SHANK2: variants seen among roughly 807,000 people sequenced by gnomAD.
SHANK2 encodes the protein SH3 and multiple ankyrin repeat domains protein 2.
Under a neutral mutation model 133.7 loss-of-function variants are expected in SHANK2, and 43 were observed. The ratio of observed to expected loss-of-function variants is 0.32; its 90% CI spans 0.25 to 0.41. SHANK2 has a LOEUF of 0.41. Among genes scored for constraint, SHANK2 ranks in the 10% least tolerant of loss-of-function variants. SHANK2 has a pLI of 1.00. For synonymous variants in SHANK2, 1,017 were observed against 952.8 expected (o/e 1.07, Z -1.24); for missense variants, 1,994 against 2,235.8 (o/e 0.89, Z 2.18).
At chr11:70,910,535 T>C (rs1950175898) in intron 10 of SHANK2, among the ~76,000 whole-genome samples, 1 of 151,878 alleles carries the variant, frequency 6.6e-6, no homozygotes, top group South Asian at 2.1e-4. Context: ...AGGCTGGGTG[T>C]GGTGGCTCAC....
In SHANK2 at chr11:70,885,921, A is replaced by G. The variant is rs577649024; in HGVS notation, c.1174+10580T>C. ...TCAACTCCGCTTTACAATTTGGAAC[A>G]AAACTTCTAGACAGATACGCACGGG... On this transcript the variant is annotated intron_variant, in intron 11 of 25. Transcript: ENST00000601538. Among the ~76,000 whole-genome samples the G allele has an allele frequency of 9.2e-4, 140 of 152,352 alleles. 2 individuals carry two copies. The highest frequency in any genetic ancestry group is 3.4e-3 in the African/African-American group (140 of 41,576).
intron 14 of SHANK2, among the ~76,000 whole-genome samples, chr11:70,767,541 C>T (rs1947148114): frequency 6.6e-6 from 1 of 152,130 alleles, no homozygotes; most frequent in Non-Finnish European, 1.5e-5. Context: ...GAGCGACGTA[C>T]CACCACAACG....
intron 25 of SHANK2, among the ~76,000 whole-genome samples, chr11:70,484,795 C>T (rs1170338224): frequency 6.6e-6 from 1 of 152,198 alleles, no homozygotes; most frequent in African/African-American, 2.4e-5. Context: ...TTCACCAGTA[C>T]AGCCATGACC....
intron 17 of SHANK2, among the ~76,000 whole-genome samples, chr11:70,588,621 C>A (rs2136257264): frequency 6.6e-6 from 1 of 152,300 alleles, no homozygotes; most frequent in South Asian, 2.1e-4. Flanking sequence ...GACTGAAGAG[C>A]TGAGGAAGTT....
chr11:71,193,478 C>A (rs780095663), intron 2 of SHANK2, among the ~76,000 whole-genome samples: 1 of 152,210 alleles, frequency 6.6e-6, no homozygotes, highest in Non-Finnish European at 1.5e-5. Context: ...CATCTCATGA[C>A]CCCATCCAGA....
At chr11:70,852,525 G>A (rs997155511) in intron 11 of SHANK2, among the ~76,000 whole-genome samples, 1 of 152,168 alleles carries the variant, frequency 6.6e-6, no homozygotes, top group Non-Finnish European at 1.5e-5. Flanking sequence ...AGGTCCCCAG[G>A]TTTCTGGGGG....
chr11:70,713,590 G>T (rs1945842367), intron 14 of SHANK2, among the ~76,000 whole-genome samples: 1 of 152,200 alleles, frequency 6.6e-6, no homozygotes, highest in East Asian at 1.9e-4. Context: ...TCATCGGAAA[G>T]CCAGGGTGAG....
chr11:70,496,622 G>A (rs1396911032), intron 21 of SHANK2, among the ~76,000 whole-genome samples: 5 of 152,188 alleles, frequency 3.3e-5, no homozygotes, highest in African/African-American at 1.2e-4. Flanking sequence ...TGTAGTAAAG[G>A]GATTGTTCCC....
intron 13 of SHANK2, among the ~76,000 whole-genome samples, chr11:70,803,937 T>C (rs1948107349): frequency 6.6e-6 from 1 of 152,116 alleles, no homozygotes; most frequent in Non-Finnish European, 1.5e-5. Flanking sequence ...TGCAACTGTC[T>C]ACTGGGAACG....
At chr11:70,758,029 T>G (rs1946910302) in intron 14 of SHANK2, among the ~76,000 whole-genome samples, 1 of 152,090 alleles carries the variant, frequency 6.6e-6, no homozygotes, top group Non-Finnish European at 1.5e-5. Context: ...GCTGGGAAGG[T>G]GACCGCATCC....
At chr11:70,933,485 C>A (rs1555082870) in intron 10 of SHANK2, among the ~76,000 whole-genome samples, 1 of 152,162 alleles carries the variant, frequency 6.6e-6, no homozygotes, top group African/African-American at 2.4e-5. Flanking sequence ...GAAGGGCATG[C>A]TGAGAAATGA....
chr11:70,751,018 C>T lies in SHANK2; in HGVS notation c.1777+47425G>A, dbSNP rs943069190. ...ATACCAAGAACTAGAAATATGCCAA[C>T]TCTCAACGGAAACAATACAAATGAA... On this transcript the variant is annotated intron_variant, in intron 14 of 25. Coordinates refer to ENST00000601538, the MANE Select transcript of SHANK2 (RefSeq NM_012309.5). Among the ~76,000 whole-genome samples, 9 of 151,894 alleles carry T rather than the reference C, an allele frequency of 5.9e-5. No individual in the cohort carries two copies. The East Asian group carries it at 1.5e-3, about 26-fold the overall frequency.
intron 15 of SHANK2, among the ~76,000 whole-genome samples, chr11:70,677,336 C>A (rs115158531): frequency 6.6e-6 from 1 of 152,162 alleles, no homozygotes; most frequent in Non-Finnish European, 1.5e-5. Flanking sequence ...TCCAGCTGAG[C>A]GGCCAACATC....
chr11:70,805,262 C>T (rs1948134320), intron 13 of SHANK2, among the ~76,000 whole-genome samples: 1 of 152,210 alleles, frequency 6.6e-6, no homozygotes, highest in South Asian at 2.1e-4. Flanking sequence ...CAGGCTTCTC[C>T]TCTTTACAAT....
At chr11:70,590,535 C>T (rs2060308022) in intron 17 of SHANK2, among the ~76,000 whole-genome samples, 2 of 152,158 alleles carry the variant, frequency 1.3e-5, no homozygotes, top group South Asian at 4.1e-4. Flanking sequence ...TCAGAAATTG[C>T]CACAGTCACC....
At chr11:70,536,455 C>T (rs1336775202) in intron 17 of SHANK2, among the ~76,000 whole-genome samples, 5 of 152,286 alleles carry the variant, frequency 3.3e-5, no homozygotes, top group Admixed American at 6.5e-5. Flanking sequence ...CCCAGGCTGG[C>T]GAGCTGTCCC....
chr11:70,495,703 G>GC (rs1405765668), intron 21 of SHANK2: 1 of 161,746 alleles, frequency 6.2e-6, no homozygotes, highest in Non-Finnish European at 1.4e-5. Flanking sequence ...TGAGGCCTGA[G>GC]CGGGGTGCAG....
At chr11:71,233,179 C>A (rs1954772300) in intron 1 of SHANK2, among the ~76,000 whole-genome samples, 2 of 152,042 alleles carry the variant, frequency 1.3e-5, no homozygotes, top group East Asian at 3.9e-4. Flanking sequence ...ATGTTCACGG[C>A]AGCATACCTC....
intron 3 of SHANK2, among the ~76,000 whole-genome samples, chr11:71,141,824 C>T (rs1267461263): frequency 6.6e-6 from 1 of 152,060 alleles, no homozygotes; most frequent in African/African-American, 2.4e-5. Flanking sequence ...CACCCATGCA[C>T]TATGCGAACC....
Sources: gnomAD v4.1 joint callset for allele counts (sites outside exome capture counted in the v4.1 genomes callset) on GRCh38, gnomAD v4.1.1 for gene constraint, MANE v1.5 for transcripts, NCBI Gene and HGNC (gene_info 2026-07-23, HGNC 2026-07-21) for gene names.